Variants in LIMS1 observed in about 807,000 individuals in gnomAD.
LIMS1 encodes the protein LIM zinc finger domain containing 1.
Under a neutral mutation model 44.1 loss-of-function variants are expected in LIMS1, and 18 were observed. The ratio of observed to expected loss-of-function variants is 0.41; its 90% CI spans 0.28 to 0.61. The LOEUF (loss-of-function observed/expected upper bound fraction) is 0.61, where lower values mean the gene tolerates loss of function less well. Among genes scored for constraint, LIMS1 ranks in the 20% least tolerant of loss-of-function variants. LIMS1 has a pLI of 0.32. For missense variants in LIMS1, 201 were observed against 422.0 expected, an observed-to-expected ratio of 0.48 and a Z score of 4.59; for synonymous variants, 93 against 149.1, an observed-to-expected ratio of 0.62 and a Z score of 2.74.
intron 1 of LIMS1, among the ~76,000 whole-genome samples, chr2:108,618,295 C>A (rs994931231): frequency 6.6e-6 from 1 of 152,154 alleles, no homozygotes; most frequent in Non-Finnish European, 1.5e-5. Context: ...AAATTTGAAA[C>A]CCTTTTAAAT....
intron 1 of LIMS1, among the ~76,000 whole-genome samples, chr2:108,614,651 C>G (rs1022375829): frequency 6.6e-6 from 1 of 152,048 alleles, no homozygotes; most frequent in Non-Finnish European, 1.5e-5. Context: ...ACTTTTATAT[C>G]GGAGTTAGGA....
chr2:108,664,358 C>G (rs1691600247), intron 2 of LIMS1, among the ~76,000 whole-genome samples: 1 of 152,208 alleles, frequency 6.6e-6, no homozygotes, highest in African/African-American at 2.4e-5. Context: ...GGAATATTTA[C>G]AGAACTCCAA....
At chr2:108,591,469 AT>A in intron 1 of LIMS1, among the ~76,000 whole-genome samples, 1 of 152,170 alleles carries the variant, frequency 6.6e-6, no homozygotes, top group East Asian at 1.9e-4. Context: ...TTAAAAAAAA[AT>A]TGATTGATTG....
At chr2:108,636,093 T>A (rs1226905923) in intron 1 of LIMS1, among the ~76,000 whole-genome samples, 1 of 151,734 alleles carries the variant, frequency 6.6e-6, no homozygotes, top group Admixed American at 6.6e-5. Flanking sequence ...AGCAAAAGAG[T>A]ATAGGAATAG....
chr2:108,621,259 T>C, intron 1 of LIMS1: 1 of 1,519,382 alleles, frequency 6.6e-7, no homozygotes, highest in Non-Finnish European at 8.9e-7. Flanking sequence ...TCAGGTGTGC[T>C]GAGGTCCCTC....
At chr2:108,595,792 G>T (rs1184245424) in intron 1 of LIMS1, among the ~76,000 whole-genome samples, 2 of 152,166 alleles carry the variant, frequency 1.3e-5, no homozygotes, top group Admixed American at 1.3e-4. Context: ...TCATTTTGCA[G>T]CTCGTTTGGA....
intron 2 of LIMS1, among the ~76,000 whole-genome samples, chr2:108,667,537 TTAAA>T (rs1410446317): frequency 5.2e-3 from 207 of 39,698 alleles, no homozygotes; most frequent in African/African-American, 0.017. Flanking sequence ...TCAACCTTTT[TTAAA>T]AAAAAAAAAA....
At chr2:108,541,662 G>T (rs1366342238) in intron 1 of LIMS1, among the ~76,000 whole-genome samples, 2 of 152,158 alleles carry the variant, frequency 1.3e-5, no homozygotes, top group Non-Finnish European at 2.9e-5. Context: ...TGTTTCCTTA[G>T]CCTTTGTCTC....
At chr2:108,584,136 G>A (rs1054321706) in intron 1 of LIMS1, among the ~76,000 whole-genome samples, 1 of 152,110 alleles carries the variant, frequency 6.6e-6, no homozygotes, top group African/African-American at 2.4e-5. Context: ...CTGGAGAGAA[G>A]CAAACCCACT....
chr2:108,599,752 T>C (rs1420097725), intron 1 of LIMS1, among the ~76,000 whole-genome samples: 1 of 152,146 alleles, frequency 6.6e-6, no homozygotes, highest in Non-Finnish European at 1.5e-5. Context: ...CATTGTACTT[T>C]TGATTTGCAT....
At chr2:108,571,652 C>T (rs970720050) in intron 1 of LIMS1, among the ~76,000 whole-genome samples, 2 of 152,132 alleles carry the variant, frequency 1.3e-5, no homozygotes, top group Admixed American at 6.6e-5. Context: ...ATGAATAGTA[C>T]AAAAGCTTAC....
intron 1 of LIMS1, among the ~76,000 whole-genome samples, chr2:108,593,756 C>G (rs1279307840): frequency 6.6e-6 from 1 of 152,174 alleles, no homozygotes; most frequent in East Asian, 1.9e-4. Context: ...GATAAACCAG[C>G]CAGAAATAAC....
intron 1 of LIMS1, among the ~76,000 whole-genome samples, chr2:108,614,138 G>T (rs190528614): frequency 9.7e-4 from 148 of 152,298 alleles, no homozygotes; most frequent in Non-Finnish European, 1.1e-3. Context: ...GCTGATGACA[G>T]ACTCTCCGCA....
intron 8 of LIMS1, among the ~76,000 whole-genome samples, chr2:108,679,861 A>C: frequency 6.6e-6 from 1 of 151,992 alleles, no homozygotes; most frequent in South Asian, 2.1e-4. Context: ...CTGTGATCGC[A>C]CCACTGCAAT....
chr2:108,683,812 T>C lies in LIMS1; in HGVS notation c.900-73T>C, dbSNP rs564895948. ...CCTTCGTTTAGTTCAGTACAATTACTGCACATCATTTATATATCTTTGTTG... is the reference window on the plus strand; with the variant it reads ...CCTTCGTTTAGTTCAGTACAATTACCGCACATCATTTATATATCTTTGTTG... On this transcript the variant is annotated intron_variant, in intron 9 of 9. Coordinates refer to ENST00000544547, the Ensembl canonical transcript of LIMS1. The C allele has an allele frequency of 2.5e-3, 1,869 of 753,460 alleles. 3 individuals carry two copies. The highest frequency in any genetic ancestry group is 5.9e-3 in the Middle Eastern group (16 of 2,720). 46.7% of individuals were successfully genotyped at this position (753,460 alleles called of 1,614,324 possible).
At chr2:108,658,884 C>T (rs1338102259) in intron 1 of LIMS1, among the ~76,000 whole-genome samples, 3 of 152,280 alleles carry the variant, frequency 2.0e-5, no homozygotes, top group Non-Finnish European at 4.4e-5. Flanking sequence ...GAGCAGGGGA[C>T]CTGGATTTCT....
chr2:108,643,123 C>T (rs1461602188), intron 1 of LIMS1, among the ~76,000 whole-genome samples: 6 of 152,224 alleles, frequency 3.9e-5, no homozygotes, highest in African/African-American at 1.4e-4. Flanking sequence ...CAGACCTGTC[C>T]TGTAGGATCT....
intron 1 of LIMS1, among the ~76,000 whole-genome samples, chr2:108,643,143 C>G (rs889444914): frequency 6.6e-6 from 1 of 152,178 alleles, no homozygotes; most frequent in African/African-American, 2.4e-5. Flanking sequence ...TCCCAAAGAC[C>G]CAACTTAGCC....
chr2:108,616,368 C>T lies in LIMS1; in HGVS notation c.33-43237C>T, dbSNP rs147010805. On this transcript the variant is annotated intron_variant, in intron 1 of 9. Transcript: ENST00000544547. ...TTGGGACTACAGGCACTCGCCACCA[C>T]GCCCAGCTAATTTTGTATTACTTGC... 5.0e-3 allele frequency among the ~76,000 whole-genome samples: 765 copies of T among 152,140 alleles called. 6 individuals carry two copies. Among genetic ancestry groups the T allele is most frequent in the African/African-American group, 0.017 (726 of 41,508 alleles).
Sources: allele counts gnomAD v4.1 joint callset (sites outside exome capture counted in the v4.1 genomes callset), GRCh38; gene constraint gnomAD v4.1.1; transcripts MANE v1.5; gene names NCBI Gene and HGNC (gene_info 2026-07-23, HGNC 2026-07-21).